The following RAB19 variants were observed in gnomAD, a reference collection of about 807,000 sequenced individuals.
RAB19 encodes RAB19, member RAS oncogene family, also known as ras-related protein Rab-19.
Under a neutral mutation model 17.3 loss-of-function variants are expected in RAB19, and 21 were observed. That is an observed-to-expected ratio of 1.21 (90% CI 0.86 to 1.74). The LOEUF is 1.74. RAB19 is among the 40% of genes most tolerant of loss of function. RAB19 has a pLI of 0.00. For synonymous variants in RAB19, 126 were observed against 110.4 expected (o/e 1.14, Z -0.88); for missense variants, 277 against 286.8 (o/e 0.97, Z 0.25).
intron 2 of RAB19, among the ~76,000 whole-genome samples, chr7:140,410,615 C>T (rs1054251627): frequency 2.6e-5 from 4 of 151,658 alleles, no homozygotes; most frequent in African/African-American, 7.3e-5. Context: ...CGTGAGCCAC[C>T]GCGCCCGGCC....
intron 1 of RAB19, among the ~76,000 whole-genome samples, chr7:140,406,293 A>G (rs568946425): frequency 6.7e-6 from 1 of 150,234 alleles, no homozygotes; most frequent in South Asian, 2.1e-4. Flanking sequence ...TTTCAATGAT[A>G]CTCTCAGATA....
chr7:140,410,075 A>G (rs1156549109), intron 2 of RAB19, among the ~76,000 whole-genome samples: 1 of 151,342 alleles, frequency 6.6e-6, no homozygotes, highest in Non-Finnish European at 1.5e-5. Context: ...AAAGGGCTAG[A>G]TGAAGCAAGT....
At chr7:140,410,317 T>C (rs1355583391) in intron 2 of RAB19, among the ~76,000 whole-genome samples, 3 of 106,118 alleles carry the variant, frequency 2.8e-5, no homozygotes, top group Non-Finnish European at 6.1e-5. Flanking sequence ...ATTTTTCTTT[T>C]TTTTTTTTTT....
chr7:140,408,222 G>C (rs1380772791), intron 2 of RAB19, among the ~76,000 whole-genome samples: 2 of 151,624 alleles, frequency 1.3e-5, no homozygotes, highest in African/African-American at 4.8e-5. Flanking sequence ...CAACAACAAA[G>C]CACATGTCTG....
chr7:140,415,562 A>T (rs1418134482), intron 3 of RAB19, among the ~76,000 whole-genome samples: 1 of 152,168 alleles, frequency 6.6e-6, no homozygotes, highest in Admixed American at 6.6e-5. Context: ...TCTGTGTTAC[A>T]TAACACCCTC....
At chr7:140,418,141 G>A (rs1160973428) in intron 3 of RAB19, among the ~76,000 whole-genome samples, 11 of 152,098 alleles carry the variant, frequency 7.2e-5, no homozygotes, top group Non-Finnish European at 1.5e-4. Flanking sequence ...TGGTGACAGT[G>A]ACTATGGGAA....
intron 2 of RAB19, among the ~76,000 whole-genome samples, chr7:140,410,318 T>TTC (rs1436509861): frequency 3.6e-4 from 39 of 107,154 alleles, no homozygotes; most frequent in African/African-American, 1.1e-3. Flanking sequence ...TTTTTCTTTT[T>TTC]TTTTTTTTTT....
Position 140,407,778 on chromosome 7 carries a change from G to C in RAB19, c.132G>C (p.Glu44Asp). The C allele has an allele frequency of 6.2e-7, 1 of 1,612,528 alleles. No homozygotes were observed. Among genetic ancestry groups the C allele is most frequent in the Non-Finnish European group, 8.5e-7 (1 of 1,179,352 alleles). ...ATTTCAAGTCTGGAGTCTACACTGAGACACAGCAGAACACGATTGGAGTGG... is the reference window on the plus strand; with the variant it reads ...ATTTCAAGTCTGGAGTCTACACTGACACACAGCAGAACACGATTGGAGTGG... ...VQHFKSGVYT[E>D]TQQNTIGVDF... The change falls in exon 2 of 4, where the codon GAG (glutamate) becomes GAC (aspartate). Residue 44 changes from glutamate (E) to aspartate (D), a missense_variant. Transcript: ENST00000537763.
intron 2 of RAB19, among the ~76,000 whole-genome samples, chr7:140,411,339 G>C (rs986511647): frequency 1.3e-5 from 2 of 152,158 alleles, no homozygotes; most frequent in African/African-American, 4.8e-5. Context: ...GGCGGAGCTT[G>C]CAGTAAGCTG....
rs1283954807 is a variant in RAB19 at position 140,427,271 on chromosome 7, C to G, written c.*1121C>G. ...GTTCAAGCAATTCTCCTGCCTCAGC[C>G]TCCCAAGTAGCTGGGACTACTGGCA... On this transcript the variant is annotated 3_prime_UTR_variant, in exon 4 of 4. Transcript: ENST00000537763. Among the ~76,000 whole-genome samples, 8 of 151,454 alleles carry G rather than the reference C, an allele frequency of 5.3e-5. No homozygotes were observed. The Admixed American group carries it at 5.3e-4, about 10-fold the overall frequency.
intron 3 of RAB19, 124 bp from the exon 4 acceptor site, chr7:140,425,758 A>C: frequency 9.5e-7 from 1 of 1,056,224 alleles, no homozygotes; most frequent in Non-Finnish European, 1.4e-6. Flanking sequence ...TGTGCCCTCA[A>C]TGACCATTTG....
intron 3 of RAB19, among the ~76,000 whole-genome samples, chr7:140,412,315 A>T (rs6464765): frequency 2.5e-4 from 38 of 151,822 alleles, no homozygotes; most frequent in African/African-American, 8.9e-4. Context: ...AGACAGGCGT[A>T]GTGGTGGGCG....
chr7:140,412,441 C>G (rs1267520722), intron 3 of RAB19, among the ~76,000 whole-genome samples: 1 of 151,858 alleles, frequency 6.6e-6, no homozygotes, highest in African/African-American at 2.4e-5. Flanking sequence ...GACAGAGCAA[C>G]ACTCCGTCGG....
chr7:140,412,208 T>A, intron 3 of RAB19, 151 bp downstream of exon 3: 1 of 834,470 alleles, frequency 1.2e-6, no homozygotes, highest in South Asian at 1.6e-5. Flanking sequence ...TCCCAGCACT[T>A]TGGGAGGCTG....
chr7:140,407,434 C>A lies in RAB19; in HGVS notation c.-23-190C>A, dbSNP rs6946920. On this transcript the variant is annotated intron_variant, in intron 1 of 3. Transcript: ENST00000537763. ...CAGTAGAACCTCTTTATTCCAAGAG[C>A]ACCCCTAAAGTAAGATCAACACACG... The A allele has an allele frequency of 2.5e-3, 1,344 of 542,846 alleles. 12 individuals are homozygous for A. The highest frequency in any genetic ancestry group is 0.023 in the African/African-American group (1,202 of 52,786). 33.6% of individuals were successfully genotyped at this position (542,846 alleles called of 1,614,324 possible).
intron 3 of RAB19, among the ~76,000 whole-genome samples, chr7:140,413,966 A>C (rs1279869281): frequency 6.6e-6 from 1 of 152,170 alleles, no homozygotes; most frequent in Non-Finnish European, 1.5e-5. Context: ...AAGGTCATGC[A>C]TCTCGAGGAC....
intron 2 of RAB19, among the ~76,000 whole-genome samples, chr7:140,409,411 A>T (rs1799308268): frequency 7.0e-6 from 1 of 143,158 alleles, no homozygotes; most frequent in South Asian, 2.3e-4. Context: ...AATGCCATAA[A>T]CTGCCAGGCA....
At chr7:140,413,053 C>T (rs1307046751) in intron 3 of RAB19, among the ~76,000 whole-genome samples, 2 of 152,060 alleles carry the variant, frequency 1.3e-5, no homozygotes, top group East Asian at 3.9e-4. Flanking sequence ...TTGAGCCCAG[C>T]AGGCAGAGGT....
chr7:140,407,823 T>C lies in RAB19; in HGVS notation c.177T>C (p.Leu59=), dbSNP rs766655812. The part of the protein sequence containing the change: ...TIGVDFTVRS[L]DIDGKKVKMQ... ...GAGTGGACTTTACCGTGCGTTCCCTTGATATTGACGGCAAAAAAGTGAAGG... is the reference window on the plus strand; with the variant it reads ...GAGTGGACTTTACCGTGCGTTCCCTCGATATTGACGGCAAAAAAGTGAAGG... The change falls in exon 2 of 4, where the codon CTT becomes CTC. Residue 59 remains leucine (L), a synonymous_variant. Transcript: ENST00000537763. 2 of 1,612,986 alleles carry C rather than the reference T, an allele frequency of 1.2e-6. No homozygotes were observed. Among genetic ancestry groups the C allele is most frequent in the Non-Finnish European group, 1.7e-6 (2 of 1,179,826 alleles).
Sources: gnomAD v4.1 joint callset for allele counts (sites outside exome capture counted in the v4.1 genomes callset) on GRCh38, gnomAD v4.1.1 for gene constraint, MANE v1.5 for transcripts, NCBI Gene and HGNC (gene_info 2026-07-23, HGNC 2026-07-21) for gene names.